The following CYP27A1 variants were observed in gnomAD, a reference collection of about 807,000 sequenced individuals.
CYP27A1 encodes the protein sterol 26-hydroxylase, mitochondrial.
In CYP27A1, 46 loss-of-function variants were observed where a neutral mutation model predicts 58.2. That is an observed-to-expected ratio of 0.79 (90% CI 0.62 to 1.01). The LOEUF (loss-of-function observed/expected upper bound fraction) is 1.01, where lower values mean the gene tolerates loss of function less well. Among genes scored for constraint, CYP27A1 ranks in the 50% least tolerant of loss-of-function variants. CYP27A1 has a pLI of 0.00. For missense variants in CYP27A1, 704 were observed against 687.0 expected (o/e 1.02, Z -0.28); for synonymous variants, 274 against 285.1 (o/e 0.96, Z 0.39).
chr2:218,782,290 C>G lies in CYP27A1; in HGVS notation c.108C>G (p.Pro36=), dbSNP rs760334139. ...AGGCCGCGATCCCTGCCGCCCTCCC[C>G]TCGGACAAGGCCACCGGAGCTCCCG... ...RAKAAIPAAL[P]SDKATGAPGA... is the part of the protein sequence containing the mutation. Residue 36 remains proline (P), a synonymous_variant, in exon 1 of 9, where the codon CCC becomes CCG. Coordinates refer to ENST00000258415, the MANE Select transcript of CYP27A1 (RefSeq NM_000784.4). The surrounding 1 kb of genome is among the most constrained non-coding windows in gnomAD (Gnocchi z 4.1). 1.3e-6 allele frequency: 2 copies of G among 1,597,794 alleles called. No homozygotes were observed. Among genetic ancestry groups the G allele is most frequent in the Admixed American group, 3.5e-5 (2 of 57,534 alleles).
chr2:218,799,983 T>C (rs1575201772), intron 1 of CYP27A1, among the ~76,000 whole-genome samples: 1 of 152,200 alleles, frequency 6.6e-6, no homozygotes, highest in Non-Finnish European at 1.5e-5. Flanking sequence ...CCTAGTCCTG[T>C]TCATCTTGAC....
intron 1 of CYP27A1, among the ~76,000 whole-genome samples, chr2:218,799,225 G>T (rs1294432799): frequency 6.6e-6 from 1 of 151,870 alleles, no homozygotes; most frequent in Admixed American, 6.6e-5. Flanking sequence ...CTTCCCCCAA[G>T]CCTCTTTATG....
chr2:218,813,978 T>A (rs986413792), intron 5 of CYP27A1, 43 bp from the exon 6 acceptor site: 2 of 1,612,724 alleles, frequency 1.2e-6, no homozygotes, highest in African/African-American at 2.7e-5. Context: ...CTGGCCTCTT[T>A]CCTAGAAATC....
chr2:218,809,442 C>CA (rs1943686675), intron 1 of CYP27A1, 135 bp from the exon 2 acceptor site: 1 of 365,316 alleles, frequency 2.7e-6, no homozygotes, highest in Non-Finnish European at 4.9e-6. Flanking sequence ...ACACAATGCC[C>CA]TTTTTTTTTT....
chr2:218,796,943 T>C (rs992003176), intron 1 of CYP27A1, among the ~76,000 whole-genome samples: 8 of 152,212 alleles, frequency 5.3e-5, no homozygotes, highest in African/African-American at 1.7e-4. Flanking sequence ...GTCAAAGTCC[T>C]ATAGCTTACT....
At chr2:218,805,483 C>T (rs144922022) in intron 1 of CYP27A1, among the ~76,000 whole-genome samples, 37 of 152,254 alleles carry the variant, frequency 2.4e-4, no homozygotes, top group East Asian at 3.9e-4. Context: ...ACAAGACATC[C>T]GCAAAATAAT....
rs1385194633 is a variant in CYP27A1 at position 218,782,614 on chromosome 2, C to G, written c.255+177C>G. Among the ~76,000 whole-genome samples, 2 of 152,066 alleles carry G rather than the reference C, an allele frequency of 1.3e-5. No homozygotes were observed. The highest frequency in any genetic ancestry group is 4.8e-5 in the African/African-American group (2 of 41,404). The stretch of plus-strand genomic sequence containing the variant: ...AGAATGGGCAAAGTGCAGACAGAGC[C>G]CTTTGAGCTGAGATAAACAGGACGA... On this transcript the variant is annotated intron_variant, in intron 1 of 8. Coordinates refer to ENST00000258415, the MANE Select transcript of CYP27A1 (RefSeq NM_000784.4). This position sits in a 1 kb window ranked among gnomAD's most constrained non-coding sequence, Gnocchi z 4.1.
chr2:218,806,557 A>T (rs1302885434), intron 1 of CYP27A1, among the ~76,000 whole-genome samples: 2 of 152,224 alleles, frequency 1.3e-5, no homozygotes, highest in Non-Finnish European at 1.5e-5. Context: ...GTTATTGCAT[A>T]ATATTGTGGT....
chr2:218,814,941 C>T lies in CYP27A1; in HGVS notation c.1507C>T (p.Pro503Ser), dbSNP rs766481873. 3 of 1,614,212 alleles carry T rather than the reference C, an allele frequency of 1.9e-6. No homozygotes were observed. Among genetic ancestry groups the T allele is most frequent in the African/African-American group, 2.7e-5 (2 of 75,064 alleles). Residue 503 changes from proline (P) to serine (S), a missense_variant, in exon 9 of 9, where the codon CCG becomes TCG. By Grantham distance (74) the Pro-to-Ser change is moderately conservative. Transcript: ENST00000258415. The stretch of plus-strand genomic sequence containing the variant: ...CCAGAAGTACAAGGTGGTCCTGGCC[C>T]CGGAGACGGGGGAGTTGAAGAGTGT... The part of the protein sequence containing the change: ...LIQKYKVVLA[P>S]ETGELKSVAR...
intron 1 of CYP27A1, among the ~76,000 whole-genome samples, chr2:218,809,193 G>A (rs1191112833): frequency 6.6e-6 from 1 of 152,034 alleles, no homozygotes; most frequent in African/African-American, 2.4e-5. Context: ...GGAGCTATAG[G>A]CTTTCTATCT....
At chr2:218,812,143 G>T in intron 2 of CYP27A1, 79 bp from the exon 3 acceptor site, 1 of 1,064,774 alleles carries the variant, frequency 9.4e-7, no homozygotes, top group South Asian at 1.3e-5. Flanking sequence ...GGGGGTGGTG[G>T]ACTTCAGGGT....
rs749515902 is a variant in CYP27A1 at position 218,812,225 on chromosome 2, A to G, written c.450A>G (p.Glu150=). Residue 150 remains glutamate, a synonymous_variant, in exon 3 of 9, where the codon GAA becomes GAG. Coordinates refer to ENST00000258415, the MANE Select transcript of CYP27A1 (RefSeq NM_000784.4). ...CTGTTCCTCTGCGTCCCTGCAGGGA[A>G]GGACACCACTGGTACCAGCTGCGCC... The part of the protein sequence containing the change: ...HDLTYGPFTT[E]GHHWYQLRQA... 10 of 1,613,696 alleles carry G rather than the reference A, an allele frequency of 6.2e-6. No homozygotes were observed. Among genetic ancestry groups the G allele is most frequent in the Non-Finnish European group, 8.5e-6 (10 of 1,179,632 alleles).
intron 1 of CYP27A1, among the ~76,000 whole-genome samples, chr2:218,797,027 C>T (rs1943554120): frequency 1.3e-5 from 2 of 152,226 alleles, no homozygotes. Context: ...AGGGTAGTTA[C>T]AGTTAGAAAC....
Position 218,814,199 on chromosome 2 carries a change from T to C in CYP27A1, c.1184+12T>C. On this transcript the variant is annotated intron_variant, in intron 6 of 8. Transcript: ENST00000258415. ...AAGGAGACTCTGCGGTAGGACAGAA[T>C]GCTGTTCTGGGGGGCACAGGATCTC... 1 of 1,614,188 alleles carries C rather than the reference T, an allele frequency of 6.2e-7. No homozygotes were observed. The highest frequency in any genetic ancestry group is 1.3e-5 in the African/African-American group (1 of 75,048).
chr2:218,807,150 G>A (rs1405121883), intron 1 of CYP27A1, among the ~76,000 whole-genome samples: 1 of 151,636 alleles, frequency 6.6e-6, no homozygotes, highest in South Asian at 2.1e-4. Flanking sequence ...TAGTAGAGAC[G>A]GCGTTTCACC....
rs985944274 is a variant in CYP27A1 at position 218,782,979 on chromosome 2, G to A, written c.255+542G>A. On this transcript the variant is annotated intron_variant, in intron 1 of 8. Coordinates refer to ENST00000258415, the MANE Select transcript of CYP27A1 (RefSeq NM_000784.4). This position sits in a 1 kb window ranked among gnomAD's most constrained non-coding sequence, Gnocchi z 4.1. ...GTTATTAAGAAATCAGTCTGAGGCC[G>A]GGTGCAGTGGCTCACACCTGTAATC... 1.3e-5 allele frequency among the ~76,000 whole-genome samples: 2 copies of A among 152,078 alleles called. No individual in the cohort carries two copies. Among genetic ancestry groups the A allele is most frequent in the African/African-American group, 2.4e-5 (1 of 41,394 alleles).
intron 1 of CYP27A1, among the ~76,000 whole-genome samples, chr2:218,787,654 C>T (rs1943452850): frequency 6.6e-6 from 1 of 152,094 alleles, no homozygotes; most frequent in Non-Finnish European, 1.5e-5. Context: ...GGAGTGGTTA[C>T]TGATAAAAGA....
intron 1 of CYP27A1, among the ~76,000 whole-genome samples, chr2:218,796,658 G>A (rs911252123): frequency 1.3e-5 from 2 of 152,176 alleles, no homozygotes; most frequent in African/African-American, 2.4e-5. Context: ...GAGGAACCTG[G>A]CAGAGAGAAA....
In CYP27A1 at chr2:218,814,038, A is replaced by C; in HGVS notation, c.1035A>C (p.Thr345=). 3 of 1,614,194 alleles carry C rather than the reference A, an allele frequency of 1.9e-6. No individual in the cohort carries two copies. Among genetic ancestry groups the C allele is most frequent in the Non-Finnish European group, 2.5e-6 (3 of 1,180,026 alleles). Residue 345 remains threonine, a synonymous_variant, in exon 6 of 9, where the codon ACA becomes ACC. Coordinates refer to ENST00000258415, the MANE Select transcript of CYP27A1 (RefSeq NM_000784.4). ...TCTTCTAGACATCCAACACGCTGAC[A>C]TGGGCCCTGTACCACCTCTCAAAGG... ...AGVDTTSNTL[T]WALYHLSKDP...
Sources: gnomAD v4.1 joint callset for allele counts (sites outside exome capture counted in the v4.1 genomes callset) on GRCh38, gnomAD v4.1.1 for gene constraint, Gnocchi (gnomAD v3.1) non-coding constraint, MANE v1.5 for transcripts, NCBI Gene and HGNC (gene_info 2026-07-23, HGNC 2026-07-21) for gene names.